GRB2: variants seen among roughly 807,000 people sequenced by gnomAD.
GRB2 encodes the protein growth factor receptor bound protein 2.
Under a neutral mutation model 27.4 loss-of-function variants are expected in GRB2, and 2 were observed. That is an observed-to-expected ratio of 0.07 (90% CI 0.03 to 0.23). GRB2 has a LOEUF of 0.23. Among genes scored for constraint, GRB2 ranks in the 10% least tolerant of loss-of-function variants. The pLI, the probability that GRB2 is intolerant of heterozygous loss-of-function variation, is 1.00. For synonymous variants in GRB2, 94 were observed against 99.6 expected, an observed-to-expected ratio of 0.94 and a Z score of 0.33; for missense variants, 102 against 282.4, an observed-to-expected ratio of 0.36 and a Z score of 4.58.
At chr17:75,357,186 G>C (rs1224786512) in intron 2 of GRB2, among the ~76,000 whole-genome samples, 2 of 152,200 alleles carry the variant, frequency 1.3e-5, no homozygotes, top group African/African-American at 4.8e-5. Context: ...AGAAATGTTT[G>C]AGGGTTTTTC....
chr17:75,378,215 C>T (rs2078906780), intron 2 of GRB2, among the ~76,000 whole-genome samples: 1 of 152,096 alleles, frequency 6.6e-6, no homozygotes, highest in Non-Finnish European at 1.5e-5. Context: ...CATGGTGAAA[C>T]ACCGTCTCTA....
At chr17:75,351,211 T>C (rs2078690223) in intron 2 of GRB2, among the ~76,000 whole-genome samples, 1 of 152,110 alleles carries the variant, frequency 6.6e-6, no homozygotes. Flanking sequence ...CCCACATGCA[T>C]TATTTTTAAG....
At chr17:75,359,525 A>AATAAG (rs2078765000) in intron 2 of GRB2, among the ~76,000 whole-genome samples, 1 of 117,168 alleles carries the variant, frequency 8.5e-6, no homozygotes, top group Non-Finnish European at 1.9e-5. Context: ...ATAATAATAA[A>AATAAG]TAATAATAAT....
At chr17:75,325,137 T>C (rs1023055438) in intron 4 of GRB2, among the ~76,000 whole-genome samples, 22 of 152,070 alleles carry the variant, frequency 1.4e-4, no homozygotes, top group African/African-American at 5.3e-4. Flanking sequence ...AACAAAACAA[T>C]CTTAATGTAA....
In GRB2 at chr17:75,393,716, C is replaced by T. The variant is rs1598256351; in HGVS notation, c.-88G>A. The T allele has an allele frequency of 3.0e-6, 3 of 1,007,670 alleles. No individual in the cohort carries two copies. The highest frequency in any genetic ancestry group is 2.4e-5 in the East Asian group (1 of 42,048). 62.4% of individuals were successfully genotyped at this position (1,007,670 alleles called of 1,614,324 possible). A position where few individuals can be genotyped will look rare whatever the true frequency, so the allele number is the denominator to read the frequency against. On this transcript the variant is annotated 5_prime_UTR_variant, in exon 2 of 6. Transcript: ENST00000316804. ...CAACCCAGCGCTCTGGGCTTAGCCT[C>T]GCCTCTCTTCTGGGACTCGCTCCGG...
intron 2 of GRB2, among the ~76,000 whole-genome samples, chr17:75,334,148 A>G (rs184871024): frequency 6.6e-6 from 1 of 151,816 alleles, no homozygotes; most frequent in East Asian, 1.9e-4. Context: ...ACATACCTAT[A>G]CGTTTTATTT....
At chr17:75,355,816 C>CTTTTTTTTT (rs1170570570) in intron 2 of GRB2, among the ~76,000 whole-genome samples, 1 of 115,728 alleles carries the variant, frequency 8.6e-6, no homozygotes, top group African/African-American at 3.3e-5. Context: ...TTCCTTTCTT[C>CTTTTTTTTT]TTTTTTTTTT....
intron 2 of GRB2, among the ~76,000 whole-genome samples, chr17:75,353,223 A>G (rs1332174285): frequency 6.6e-6 from 1 of 150,502 alleles, no homozygotes; most frequent in African/African-American, 2.4e-5. Context: ...CCTTGTATTC[A>G]TGGGGGACTG....
chr17:75,360,148 T>C (rs1010855845), intron 2 of GRB2, among the ~76,000 whole-genome samples: 1 of 152,128 alleles, frequency 6.6e-6, no homozygotes, highest in African/African-American at 2.4e-5. Flanking sequence ...TAAAAAGAAA[T>C]CATAAACGAT....
At chr17:75,350,655 C>A (rs971268713) in intron 2 of GRB2, among the ~76,000 whole-genome samples, 9 of 152,254 alleles carry the variant, frequency 5.9e-5, no homozygotes, top group African/African-American at 1.7e-4. Flanking sequence ...CCACGCGCAG[C>A]TAATTTTTTT....
At chr17:75,370,411 C>T (rs757571106) in intron 2 of GRB2, among the ~76,000 whole-genome samples, 5 of 152,222 alleles carry the variant, frequency 3.3e-5, no homozygotes, top group Admixed American at 6.5e-5. Context: ...TTCCTTCTGA[C>T]TTCAATATCT....
chr17:75,395,451 ACT>A (rs1223521736), intron 1 of GRB2, among the ~76,000 whole-genome samples: 3 of 152,068 alleles, frequency 2.0e-5, no homozygotes, highest in African/African-American at 7.2e-5. Flanking sequence ...CTTCACTTAC[ACT>A]CTCTGTAGTT....
At chr17:75,399,199 C>G (rs2079047656) in intron 1 of GRB2, among the ~76,000 whole-genome samples, 1 of 151,840 alleles carries the variant, frequency 6.6e-6, no homozygotes, top group South Asian at 2.1e-4. Flanking sequence ...AGGTGCACAC[C>G]ACCATGCCTG....
intron 2 of GRB2, among the ~76,000 whole-genome samples, chr17:75,346,578 CTTTTTTTTT>C (rs775027742): frequency 5.8e-5 from 4 of 68,724 alleles, no homozygotes; most frequent in Non-Finnish European, 7.4e-5. Flanking sequence ...CTTTTCTTGC[CTTTTTTTTT>C]TTTTTTTTTT....
chr17:75,387,691 G>A (rs777885273), intron 2 of GRB2: 3 of 151,870 alleles, frequency 2.0e-5, no homozygotes, highest in Non-Finnish European at 4.4e-5. Flanking sequence ...CCATCTACTC[G>A]GGAGGCTGAG....
At chr17:75,366,795 G>C (rs1183464917) in intron 2 of GRB2, among the ~76,000 whole-genome samples, 2 of 152,116 alleles carry the variant, frequency 1.3e-5, no homozygotes, top group Admixed American at 1.3e-4. Context: ...CTGGGTGTCA[G>C]AGTGAGACCC....
At chr17:75,352,300 C>T (rs896721035) in intron 2 of GRB2, among the ~76,000 whole-genome samples, 1 of 152,150 alleles carries the variant, frequency 6.6e-6, no homozygotes, top group Non-Finnish European at 1.5e-5. Flanking sequence ...TCTCTAAGCA[C>T]CTACACGCTG....
chr17:75,358,369 C>T (rs762926217), intron 2 of GRB2, among the ~76,000 whole-genome samples: 5 of 152,170 alleles, frequency 3.3e-5, no homozygotes, highest in Non-Finnish European at 5.9e-5. Context: ...ATATCTCCTA[C>T]ACTATGGGTG....
chr17:75,366,953 A>G (rs1210026716), intron 2 of GRB2, among the ~76,000 whole-genome samples: 1 of 152,204 alleles, frequency 6.6e-6, no homozygotes, highest in Admixed American at 6.5e-5. Flanking sequence ...ATATACTAAC[A>G]AAAACTCAAA....
Sources: allele counts gnomAD v4.1 joint callset (sites outside exome capture counted in the v4.1 genomes callset), GRCh38; gene constraint gnomAD v4.1.1; transcripts MANE v1.5; gene names NCBI Gene and HGNC (gene_info 2026-07-23, HGNC 2026-07-21).